Variants in KIAA0586 observed in about 807,000 individuals in gnomAD.
KIAA0586 encodes the protein KIAA0586.
KIAA0586 carries 144 observed loss-of-function variants against 169.8 expected under a neutral mutation model. The ratio of observed to expected loss-of-function variants is 0.85; its 90% CI spans 0.74 to 0.97. KIAA0586 has a LOEUF of 0.97. KIAA0586 is among the 50% of genes least tolerant of loss of function. The probability of loss-of-function intolerance (pLI) is 0.00; values close to 1 mark genes in which losing one functional copy is unlikely to be tolerated. For missense variants in KIAA0586, 1,854 were observed against 1,823.0 expected, an observed-to-expected ratio of 1.02 and a Z score of -0.31; for synonymous variants, 625 against 612.4, an observed-to-expected ratio of 1.02 and a Z score of -0.30.
rs570133569 is a variant in KIAA0586, at chr14:58,470,322, AT to A, written c.2443-287del. ...AAATCAAGAATGAAAACTATTTTAA[AT>A]TTTAGTTATGTATAAGTAGATAGTA... On this transcript the variant is annotated intron_variant, in intron 16 of 30. Transcript: ENST00000652326. 2.4e-4 allele frequency among the ~76,000 whole-genome samples: 36 copies of A among 152,240 alleles called. No individual in the cohort carries two copies. The South Asian group carries it at 3.9e-3, about 17-fold the overall frequency.
At chr14:58,461,490 A>G (rs1055372574) in intron 14 of KIAA0586, among the ~76,000 whole-genome samples, 1 of 152,016 alleles carries the variant, frequency 6.6e-6, no homozygotes, top group Non-Finnish European at 1.5e-5. Flanking sequence ...GCTGGAATGC[A>G]GTGGCACAAT....
Position 58,444,013 on chromosome 14 carries a change from G to A in KIAA0586, c.645G>A (p.Gln215=). ...NSVTELLSKL[Q]ETDKHLQRVT... is the part of the protein sequence containing the mutation. ...TTACAGAATTACTTAGTAAATTACA[G>A]GAGACTGATAAACACCTGCAACGTG... The change falls in exon 6 of 31, where the codon CAG becomes CAA. Residue 215 remains glutamine, a synonymous_variant. Transcript: ENST00000652326. 6.2e-7 allele frequency: 1 copy of A among 1,612,098 alleles called. No individual in the cohort carries two copies. Among genetic ancestry groups the A allele is most frequent in the Non-Finnish European group, 8.5e-7 (1 of 1,178,898 alleles).
At chr14:58,462,408 C>A (rs576045783) in intron 14 of KIAA0586, among the ~76,000 whole-genome samples, 29 of 151,366 alleles carry the variant, frequency 1.9e-4, no homozygotes, top group Middle Eastern at 3.4e-3. Flanking sequence ...CCACAATGCC[C>A]AGCTAATTTT....
chr14:58,528,081 C>T (rs770272275), intron 29 of KIAA0586, among the ~76,000 whole-genome samples: 48 of 151,956 alleles, frequency 3.2e-4, no homozygotes, highest in Non-Finnish European at 5.6e-4. Flanking sequence ...ACAGACTAAA[C>T]CAACAAAGAT....
chr14:58,530,786 A>G (rs1257830173), intron 29 of KIAA0586, among the ~76,000 whole-genome samples: 1 of 152,220 alleles, frequency 6.6e-6, no homozygotes, highest in African/African-American at 2.4e-5. Flanking sequence ...GCATGGGCAA[A>G]GACCTCATGA....
intron 25 of KIAA0586, among the ~76,000 whole-genome samples, chr14:58,491,802 T>G (rs775395126): frequency 6.6e-6 from 1 of 152,222 alleles, no homozygotes; most frequent in Non-Finnish European, 1.5e-5. Flanking sequence ...TGCAGAAATA[T>G]GAGGAGGAGG....
At chr14:58,444,584 C>T (rs922592467) in intron 6 of KIAA0586, among the ~76,000 whole-genome samples, 5 of 151,934 alleles carry the variant, frequency 3.3e-5, no homozygotes, top group African/African-American at 1.2e-4. Flanking sequence ...CCACCACGCC[C>T]AGCTAATTTT....
intron 21 of KIAA0586, among the ~76,000 whole-genome samples, chr14:58,484,913 TATATATA>T (rs2042318175): frequency 3.5e-4 from 6 of 17,336 alleles, no homozygotes; most frequent in African/African-American, 8.9e-4. Flanking sequence ...TATATATATA[TATATATA>T]TATATTTTTT....
Position 58,548,396 on chromosome 14 carries a change from A to G in KIAA0586, c.*464A>G, listed in dbSNP as rs2047113153. 5 of 152,582 alleles carry G rather than the reference A, an allele frequency of 3.3e-5. No homozygotes were observed. The highest frequency in any genetic ancestry group is 3.3e-4 in the Admixed American group (5 of 15,294). 9.5% of individuals were successfully genotyped at this position (152,582 alleles called of 1,614,324 possible). On this transcript the variant is annotated 3_prime_UTR_variant, in exon 31 of 31. Transcript: ENST00000652326. The stretch of plus-strand genomic sequence containing the variant: ...AAAAAAATTTAAAAAGTTTATTGAT[A>G]TGGAATAATCTTTGAGATGCACTGT...
chr14:58,480,843 A>G (rs1397275736), intron 20 of KIAA0586, among the ~76,000 whole-genome samples: 1 of 151,958 alleles, frequency 6.6e-6, no homozygotes, highest in Non-Finnish European at 1.5e-5. Context: ...TGAAGGGAGG[A>G]CAAAAATAAA....
intron 25 of KIAA0586, among the ~76,000 whole-genome samples, chr14:58,491,858 T>C (rs1283204834): frequency 6.6e-6 from 1 of 152,238 alleles, no homozygotes; most frequent in African/African-American, 2.4e-5. Context: ...TTATGATTCA[T>C]AGTAGCTCAA....
chr14:58,488,521 T>C (rs2042623988), intron 23 of KIAA0586, 100 bp from the exon 24 acceptor site: 10 of 1,346,598 alleles, frequency 7.4e-6, no homozygotes, highest in Non-Finnish European at 9.1e-6. Context: ...AAAAAATATT[T>C]TGCTAAAGGA....
intron 27 of KIAA0586, among the ~76,000 whole-genome samples, chr14:58,506,890 T>C (rs1255516843): frequency 1.5e-4 from 1 of 6,820 alleles, no homozygotes; most frequent in South Asian, 0.024. Context: ...CTCATGCCTG[T>C]AATCCCAGCA....
At chr14:58,436,004 C>T (rs1457349711) in intron 4 of KIAA0586, among the ~76,000 whole-genome samples, 1 of 152,124 alleles carries the variant, frequency 6.6e-6, no homozygotes, top group Admixed American at 6.6e-5. Context: ...CCATCGTGCC[C>T]AGCCAGAATG....
At chr14:58,436,131 C>G (rs1388461324) in intron 4 of KIAA0586, among the ~76,000 whole-genome samples, 1 of 151,902 alleles carries the variant, frequency 6.6e-6, no homozygotes, top group South Asian at 2.1e-4. Flanking sequence ...AATTTGGAAG[C>G]CTTAGTTGTA....
rs552845616 is a variant in KIAA0586 at position 58,551,130 on chromosome 14, A to G, written c.*3198A>G. 1 of 152,076 alleles carries G rather than the reference A, an allele frequency of 6.6e-6. No homozygotes were observed. Among genetic ancestry groups the G allele is most frequent in the Non-Finnish European group, 1.5e-5 (1 of 68,032 alleles). 9.4% of individuals were successfully genotyped at this position (152,076 alleles called of 1,614,324 possible). ...CTTCAACCCAGGAGGCAGAGGTGGCAACGAGCTGAGACTGCACCACTTAAC... is the reference window on the plus strand; with the variant it reads ...CTTCAACCCAGGAGGCAGAGGTGGCGACGAGCTGAGACTGCACCACTTAAC... On this transcript the variant is annotated 3_prime_UTR_variant, in exon 31 of 31. Transcript: ENST00000652326.
At chr14:58,543,001 G>A (rs192185599) in intron 30 of KIAA0586, among the ~76,000 whole-genome samples, 3 of 151,900 alleles carry the variant, frequency 2.0e-5, no homozygotes, top group Admixed American at 2.0e-4. Flanking sequence ...GGTGGCGGGC[G>A]CCTTTAGTCC....
chr14:58,553,388 A>G (rs569059934), downstream of KIAA0586, among the ~76,000 whole-genome samples: 93 of 152,324 alleles, frequency 6.1e-4, no homozygotes, highest in African/African-American at 2.1e-3. Flanking sequence ...TCTTAAAAAC[A>G]AGGTAGTGGA....
intron 12 of KIAA0586, among the ~76,000 whole-genome samples, chr14:58,459,017 T>C (rs1179805916): frequency 6.6e-6 from 1 of 152,130 alleles, no homozygotes; most frequent in Non-Finnish European, 1.5e-5. Context: ...ACATCCAGCA[T>C]TGGAAAAGTC....
Sources: gnomAD v4.1 joint callset for allele counts (sites outside exome capture counted in the v4.1 genomes callset) on GRCh38, gnomAD v4.1.1 for gene constraint, MANE v1.5 for transcripts, NCBI Gene and HGNC (gene_info 2026-07-23, HGNC 2026-07-21) for gene names.